TAF1: variants seen among roughly 807,000 people sequenced by gnomAD.
TAF1 encodes the protein TATA-box binding protein associated factor 1, also known as transcription initiation factor TFIID subunit 1.
In TAF1, 2 loss-of-function variants were observed where a neutral mutation model predicts 138.5. That is an observed-to-expected ratio of 0.01 (90% CI 0.01 to 0.05). The LOEUF (loss-of-function observed/expected upper bound fraction) is 0.05. Ranked by LOEUF, TAF1 falls within the 10% of genes least tolerant of loss-of-function variation. The pLI, the probability that TAF1 is intolerant of heterozygous loss-of-function variation, is 1.00. For synonymous variants in TAF1, 437 were observed against 503.2 expected, an observed-to-expected ratio of 0.87 and a Z score of 1.76; for missense variants, 709 against 1,478.0, an observed-to-expected ratio of 0.48 and a Z score of 8.53.
At chrX:71,461,916 G>A (rs1247391593) in intron 37 of TAF1, among the ~76,000 whole-genome samples, 1 of 111,284 alleles carries the variant, frequency 9.0e-6, no homozygotes, top group East Asian at 2.8e-4. Context: ...AGCCTAATAT[G>A]AATAGGAATT....
Position 71,377,682 on chromosome X carries a change from A to C in TAF1, c.794A>C (p.Lys265Thr). Reference protein sequence around the residue: ...VWRSARRKRKKKHRELIQEEQ... With the variant: ...VWRSARRKRKTKHRELIQEEQ... ...CGGAGTGCTCGGAGAAAGAGGAAGA[A>C]GAAGCACCGTGAGCTGATACAGGAA... The change falls in exon 6 of 38, where the codon AAG becomes ACG. Residue 265 changes from lysine (K) to threonine (T), a missense_variant. By Grantham distance (78) the Lys-to-Thr change is moderately conservative. Coordinates refer to ENST00000423759, the MANE Select transcript of TAF1 (RefSeq NM_004606.5). 1 of 1,211,830 alleles carries C rather than the reference A, an allele frequency of 8.3e-7. No individual in the cohort carries two copies. The highest frequency in any genetic ancestry group is 1.1e-6 in the Non-Finnish European group (1 of 895,598).
chrX:71,456,487 A>G (rs1239165593), intron 34 of TAF1, among the ~76,000 whole-genome samples: 13 of 110,493 alleles, frequency 1.2e-4, no homozygotes, highest in African/African-American at 3.6e-4. Context: ...GGTGTACATG[A>G]GTGACTGTCC....
At chrX:71,452,561 C>T (rs1239142925) in intron 32 of TAF1, among the ~76,000 whole-genome samples, 6 of 109,457 alleles carry the variant, frequency 5.5e-5, no homozygotes, top group Non-Finnish European at 1.1e-4. Context: ...GGTAGAGACG[C>T]TCCTCACTTT....
At chrX:71,516,171 C>T (rs1202365451) in intron 13 of TAF1, among the ~76,000 whole-genome samples, 1 of 109,210 alleles carries the variant, frequency 9.2e-6, no homozygotes, top group Non-Finnish European at 1.9e-5. Flanking sequence ...AGGTGATCCT[C>T]CCACCTTAGC....
In TAF1 at chrX:71,454,761, A is replaced by G. The variant is rs769235679; in HGVS notation, c.4842A>G (p.Gln1614=). ...TLTEYDEHLT[Q]LEKDICTAKE... ...CTCAGTATGATGAACATTTGACTCA[A>G]CTTGAGAAGGATATTTGTACTGCTA... The change falls in exon 34 of 38, where the codon CAA becomes CAG. Residue 1614 remains glutamine (Q), a synonymous_variant. Coordinates refer to ENST00000423759, the MANE Select transcript of TAF1 (RefSeq NM_004606.5). The G allele has an allele frequency of 8.3e-7, 1 of 1,208,610 alleles. No homozygotes were observed. Among genetic ancestry groups the G allele is most frequent in the Admixed American group, 2.2e-5 (1 of 45,328 alleles).
At position 71,367,960 on chromosome X, in the gene TAF1, C is replaced by T. The variant is rs926420703; in HGVS notation, c.236-94C>T. The T allele has an allele frequency of 5.3e-5, 51 of 959,461 alleles. 1 individual carries two copies. In the African/African-American group the frequency reaches 6.0e-4, roughly 11 times the overall value. The allele number at this position is 959,461 out of a possible 1,213,427, so 79.1% of individuals were successfully genotyped here. On this transcript the variant is annotated intron_variant, in intron 2 of 37. Transcript: ENST00000423759. ...TGCTGGGATTACAGGCGTGAGCCAC[C>T]GCATCCAGCCTGTACATGTACTTTT... is the stretch of plus-strand genomic sequence containing the variant.
intron 13 of TAF1, among the ~76,000 whole-genome samples, chrX:71,498,981 A>T (rs1488636294): frequency 1.8e-5 from 2 of 111,130 alleles, no homozygotes; most frequent in Non-Finnish European, 3.8e-5. Context: ...CTCAATAGTT[A>T]AACATACCCG....
chrX:71,458,886 T>C (rs928467768), intron 35 of TAF1, among the ~76,000 whole-genome samples: 2 of 111,053 alleles, frequency 1.8e-5, no homozygotes, highest in African/African-American at 6.5e-5. Context: ...TAAGGAAAGT[T>C]TGGGTTAGAA....
chrX:71,427,536 A>G (rs1191320542), intron 32 of TAF1, among the ~76,000 whole-genome samples: 1 of 112,405 alleles, frequency 8.9e-6, no homozygotes, highest in Non-Finnish European at 1.9e-5. Context: ...AGAAAAACCC[A>G]GAAGATACTA....
chrX:71,451,539 G>A (rs1355407163), intron 32 of TAF1, among the ~76,000 whole-genome samples: 1 of 105,908 alleles, frequency 9.4e-6, no homozygotes, highest in Non-Finnish European at 1.9e-5. Flanking sequence ...GGGGGATTTG[G>A]CAGGGTCATA....
chrX:71,454,681 CT>C, intron 33 of TAF1, 59 bp from the exon 34 acceptor site: 1 of 1,035,247 alleles, frequency 9.7e-7, no homozygotes. Flanking sequence ...CTTTTGTTTA[CT>C]TTTGTATCCC....
rs533767211 is a variant in TAF1 at position 71,460,260 on chromosome X, A to G, written c.5222-366A>G. Among the ~76,000 whole-genome samples, 16 of 112,130 alleles carry G rather than the reference A, an allele frequency of 1.4e-4. No individual in the cohort carries two copies. The South Asian group carries it at 5.9e-3, about 41-fold the overall frequency. ...TGTCTCCAAAGAAAAAGAAAAAAAG[A>G]TGAGAACAGAATGATCAAGTGTTAT... On this transcript the variant is annotated intron_variant, in intron 36 of 37. Transcript: ENST00000423759.
At chrX:71,440,986 C>A (rs192245954) in intron 32 of TAF1, among the ~76,000 whole-genome samples, 101 of 109,956 alleles carry the variant, frequency 9.2e-4, no homozygotes, top group Non-Finnish European at 1.7e-3. Context: ...CTGCAACCTC[C>A]CCTTCCTGGG....
chrX:71,491,717 A>G (rs1183103190), intron 13 of TAF1: 1 of 97,504 alleles, frequency 1.0e-5, no homozygotes, highest in Non-Finnish European at 2.0e-5. Flanking sequence ...GCTGGAGTGC[A>G]GTGGCGCGAC....
chrX:71,458,297 A>G lies in TAF1; in HGVS notation c.4995A>G (p.Val1665=). The change falls in exon 35 of 38, where the codon GTA becomes GTG. Residue 1665 remains valine, a synonymous_variant. Transcript: ENST00000423759. ...TSLSMSRDAS[V]FQDESNMSVL... Reference sequence around the variant, plus strand: ...TCAGTATGTCTCGAGATGCCTCTGTATTTCAAGATGAGAGCAATATGTCTG... The same window carrying G: ...TCAGTATGTCTCGAGATGCCTCTGTGTTTCAAGATGAGAGCAATATGTCTG... 1.7e-6 allele frequency: 2 copies of G among 1,211,845 alleles called. No individual in the cohort carries two copies. The highest frequency in any genetic ancestry group is 3.0e-5 in the East Asian group (1 of 33,864).
chrX:71,382,297 G>A (rs1569282131), intron 9 of TAF1, among the ~76,000 whole-genome samples: 1 of 110,003 alleles, frequency 9.1e-6, no homozygotes, highest in Non-Finnish European at 1.9e-5. Flanking sequence ...GATGTCAAGC[G>A]TGTAGTTCAC....
At chrX:71,469,753 G>T (rs1008483632), downstream of TAF1, among the ~76,000 whole-genome samples, 5 of 110,784 alleles carry the variant, frequency 4.5e-5, no homozygotes, top group African/African-American at 1.6e-4. Context: ...CCAGGCTGGA[G>T]TGCAATGGAG....
chrX:71,378,280 G>A lies in TAF1; in HGVS notation c.979G>A (p.Gly327Arg). The stretch of plus-strand genomic sequence containing the variant: ...GGAGTCCAAATTTTCCCAATCAACT[G>A]GAGATATAGATAAAGTGACAGATAC... ...PVESKFSQSTGDIDKVTDTKP... is the reference protein window; with the variant it reads ...PVESKFSQSTRDIDKVTDTKP... Residue 327 changes from glycine to arginine, a missense_variant, in exon 7 of 38, where the codon GGA (glycine) becomes AGA (arginine). Physicochemically the swap from Gly to Arg is moderately radical, Grantham distance 125. This residue lies in a region of TAF1 where 201 missense variants were observed against 421.3 expected (regional missense o/e 0.48). Transcript: ENST00000423759. The A allele has an allele frequency of 3.3e-6, 4 of 1,211,783 alleles. No homozygotes were observed. The highest frequency in any genetic ancestry group is 4.5e-6 in the Non-Finnish European group (4 of 895,557).
intron 28 of TAF1, among the ~76,000 whole-genome samples, chrX:71,412,122 G>GTT (rs749385611): frequency 2.0e-4 from 18 of 89,208 alleles, no homozygotes; most frequent in African/African-American, 3.7e-4. Flanking sequence ...TTCATTCCTG[G>GTT]TTTTTTTTTT....
Sources: allele counts gnomAD v4.1 joint callset (sites outside exome capture counted in the v4.1 genomes callset), GRCh38; gene constraint gnomAD v4.1.1; regional missense constraint gnomAD v4.1.1; transcripts MANE v1.5; gene names NCBI Gene and HGNC (gene_info 2026-07-23, HGNC 2026-07-21).